The following JARID2 variants were observed in gnomAD, a reference collection of about 807,000 sequenced individuals.
JARID2 encodes the protein jumonji and AT-rich interaction domain containing 2.
JARID2 carries 21 observed loss-of-function variants against 125.6 expected under a neutral mutation model. The observed-to-expected ratio is 0.17, with a 90% CI of 0.12 to 0.24. JARID2 has a LOEUF of 0.24. JARID2 is among the 10% of genes least tolerant of loss of function. JARID2 has a pLI of 1.00. For synonymous variants in JARID2, 736 were observed against 661.6 expected, an observed-to-expected ratio of 1.11 and a Z score of -1.73; for missense variants, 1,303 against 1,639.6, an observed-to-expected ratio of 0.79 and a Z score of 3.55.
intron 3 of JARID2, among the ~76,000 whole-genome samples, chr6:15,420,519 A>G (rs1228068735): frequency 1.3e-5 from 2 of 152,108 alleles, no homozygotes; most frequent in East Asian, 3.8e-4. Context: ...ATATTTGAGT[A>G]TATGTGCTAT....
intron 3 of JARID2, among the ~76,000 whole-genome samples, chr6:15,432,048 G>A (rs1466365093): frequency 6.6e-6 from 1 of 151,764 alleles, no homozygotes; most frequent in Non-Finnish European, 1.5e-5. Flanking sequence ...GGTGGAGGGT[G>A]TCCAGGTTCT....
At chr6:15,369,046 C>T (rs892313595) in intron 1 of JARID2, among the ~76,000 whole-genome samples, 11 of 151,910 alleles carry the variant, frequency 7.2e-5, no homozygotes, top group African/African-American at 1.5e-4. Context: ...ATCTCTAGCC[C>T]GGACCGTCAG....
rs1436443190 is a variant in JARID2 at position 15,520,050 on chromosome 6, TC to T, written c.3559-17del. Reference sequence around the variant, plus strand: ...TTAATACGGTATGTTAACTGTGTCTTCCTTTCACCCCCAAACAGGAACAGAT... The same window carrying T: ...TTAATACGGTATGTTAACTGTGTCTTCTTTCACCCCCAAACAGGAACAGAT... On this transcript the variant is annotated intron_variant, in intron 17 of 17. Transcript: ENST00000341776. The T allele has an allele frequency of 6.2e-7, 1 of 1,604,470 alleles. No individual in the cohort carries two copies.
chr6:15,411,271 T>A lies in JARID2; in HGVS notation c.323+906T>A, dbSNP rs188359877. ...TAGAAGCAATCTACATGTATCTATC[T>A]AAAGAAGAACAGAATAGAGTGAAAA... On this transcript the variant is annotated intron_variant, in intron 3 of 17. Coordinates refer to ENST00000341776, the MANE Select transcript of JARID2 (RefSeq NM_004973.4). 2.4e-3 allele frequency among the ~76,000 whole-genome samples: 372 copies of A among 152,296 alleles called. 4 individuals are homozygous for A. Among genetic ancestry groups the A allele is most frequent in the Middle Eastern group, 0.01 (3 of 294 alleles).
At chr6:15,443,295 G>A (rs1767525373) in intron 3 of JARID2, among the ~76,000 whole-genome samples, 1 of 152,182 alleles carries the variant, frequency 6.6e-6, no homozygotes, top group Non-Finnish European at 1.5e-5. Context: ...GTTCCTAAGG[G>A]TGACTCACAG....
At chr6:15,502,967 G>T (rs1276099464) in intron 8 of JARID2, among the ~76,000 whole-genome samples, 1 of 152,224 alleles carries the variant, frequency 6.6e-6, no homozygotes. Context: ...ATAGCCAACT[G>T]GTGAAATGAG....
chr6:15,399,454 A>G (rs1366500707), intron 2 of JARID2, among the ~76,000 whole-genome samples: 1 of 152,170 alleles, frequency 6.6e-6, no homozygotes, highest in Non-Finnish European at 1.5e-5. Flanking sequence ...GATATCAACT[A>G]GACACTAAGG....
At position 15,410,273 on chromosome 6, in the gene JARID2, G is replaced by C. The variant is rs748009945; in HGVS notation, c.231G>C (p.Gln77His). ...QSKGLGPASE[Q>H]SENEKDDASQ... is the part of the protein sequence containing the mutation. ...AGGGATTAGGACCAGCATCAGAACAGTCAGAGAATGAAAAGGACGATGCAT... is the reference window on the plus strand; with the variant it reads ...AGGGATTAGGACCAGCATCAGAACACTCAGAGAATGAAAAGGACGATGCAT... Residue 77 changes from glutamine (Q) to histidine (H), a missense_variant, in exon 3 of 18, where the codon CAG becomes CAC. Transcript: ENST00000341776. 1 of 1,614,148 alleles carries C rather than the reference G, an allele frequency of 6.2e-7. No homozygotes were observed. Among genetic ancestry groups the C allele is most frequent in the Admixed American group, 1.7e-5 (1 of 60,022 alleles).
chr6:15,283,168 C>T lies in JARID2; in HGVS notation c.45+36584C>T, dbSNP rs182553736. ...TAATTTTTTGTATTTTTATTAGAGA[C>T]GGGGTTTCACCGTGTTAGCCAGGAC... is the stretch of plus-strand genomic sequence containing the variant. On this transcript the variant is annotated intron_variant, in intron 1 of 17. Coordinates refer to ENST00000341776, the MANE Select transcript of JARID2 (RefSeq NM_004973.4). Among the ~76,000 whole-genome samples the T allele has an allele frequency of 8.3e-3, 1,237 of 148,244 alleles. 16 individuals carry two copies. Among genetic ancestry groups the T allele is most frequent in the South Asian group, 0.041 (188 of 4,634 alleles).
intron 3 of JARID2, among the ~76,000 whole-genome samples, chr6:15,413,002 G>GGTTTTTTTTTTTT (rs1765951845): frequency 4.3e-5 from 2 of 46,534 alleles, no homozygotes; most frequent in African/African-American, 1.9e-4. Context: ...AAGAGCTTGT[G>GGTTTTTTTTTTTT]TTTTTGTTTT....
At chr6:15,413,008 G>GTTTTTGTT (rs1765958811) in intron 3 of JARID2, among the ~76,000 whole-genome samples, 70 of 47,440 alleles carry the variant, frequency 1.5e-3, no homozygotes, top group South Asian at 2.0e-3. Context: ...TTGTGTTTTT[G>GTTTTTGTT]TTTTTTTTTT....
intron 3 of JARID2, among the ~76,000 whole-genome samples, chr6:15,428,083 G>A (rs774913119): frequency 6.6e-6 from 1 of 152,082 alleles, no homozygotes; most frequent in Non-Finnish European, 1.5e-5. Context: ...GTGATGAAAG[G>A]CAGCAACCAA....
At chr6:15,440,364 T>C (rs901359366) in intron 3 of JARID2, among the ~76,000 whole-genome samples, 2 of 152,194 alleles carry the variant, frequency 1.3e-5, no homozygotes, top group African/African-American at 4.8e-5. Flanking sequence ...ATTAAGATTG[T>C]AATCGAGGTA....
At chr6:15,253,734 A>G (rs1282989610) in intron 1 of JARID2, among the ~76,000 whole-genome samples, 1 of 152,122 alleles carries the variant, frequency 6.6e-6, no homozygotes, top group African/African-American at 2.4e-5. Context: ...CCAGAAAAGC[A>G]TGGATTATAG....
chr6:15,312,778 C>G (rs1373908289), intron 1 of JARID2, among the ~76,000 whole-genome samples: 1 of 152,090 alleles, frequency 6.6e-6, no homozygotes, highest in Non-Finnish European at 1.5e-5. Context: ...CTGGTCCTTT[C>G]GTGATTCCCT....
At chr6:15,331,883 A>G (rs1336734154) in intron 1 of JARID2, among the ~76,000 whole-genome samples, 1 of 152,236 alleles carries the variant, frequency 6.6e-6, no homozygotes, top group East Asian at 1.9e-4. Context: ...TAAAATAAAC[A>G]GGTGTCTGAA....
At chr6:15,515,293 T>G (rs894520336) in intron 16 of JARID2, among the ~76,000 whole-genome samples, 1 of 152,236 alleles carries the variant, frequency 6.6e-6, no homozygotes, top group Non-Finnish European at 1.5e-5. Flanking sequence ...ATTATAGGCA[T>G]GGGCCACTGC....
At chr6:15,295,687 G>A (rs1280517995) in intron 1 of JARID2, among the ~76,000 whole-genome samples, 1 of 152,024 alleles carries the variant, frequency 6.6e-6, no homozygotes, top group African/African-American at 2.4e-5. Flanking sequence ...TTTTTGAGAC[G>A]GAGTCTCGCT....
rs774293533 is a variant in JARID2, at chr6:15,496,088, C to T, written c.907-44C>T. 1.8e-5 allele frequency: 28 copies of T among 1,529,432 alleles called. 1 individual carries two copies. In the South Asian group the frequency reaches 3.4e-4, roughly 18 times the overall value. 94.7% of individuals were successfully genotyped at this position (1,529,432 alleles called of 1,614,324 possible). ...GGGCCGGTCATTTTAGTGGCAGGTA[C>T]TAATTCTGCGTTTTTTTCCACCTCT... is the stretch of plus-strand genomic sequence containing the variant. On this transcript the variant is annotated intron_variant, in intron 6 of 17. Coordinates refer to ENST00000341776, the MANE Select transcript of JARID2 (RefSeq NM_004973.4).
Sources: allele counts gnomAD v4.1 joint callset (sites outside exome capture counted in the v4.1 genomes callset), GRCh38; gene constraint gnomAD v4.1.1; transcripts MANE v1.5; gene names NCBI Gene and HGNC (gene_info 2026-07-23, HGNC 2026-07-21).